FMO3: variants seen among roughly 807,000 people sequenced by gnomAD.
FMO3 encodes the protein flavin-containing monooxygenase 3.
Under a neutral mutation model 39.4 loss-of-function variants are expected in FMO3, and 40 were observed. The observed-to-expected ratio is 1.02, with a 90% CI of 0.79 to 1.32. FMO3 has a LOEUF of 1.32. Ranked by LOEUF, FMO3 falls within the 40% of genes most tolerant of loss-of-function variation. FMO3 has a pLI of 0.00. For missense variants in FMO3, 680 were observed against 651.8 expected (o/e 1.04, Z -0.47); for synonymous variants, 219 against 228.8 (o/e 0.96, Z 0.39).
At chr1:171,101,033 AAG>A (rs1375188597) in intron 2 of FMO3, 3 of 447,014 alleles carry the variant, frequency 6.7e-6, no homozygotes, top group Non-Finnish European at 1.3e-5. Flanking sequence ...CCTCAACAGA[AAG>A]AGAGAAATTT....
intron 6 of FMO3, among the ~76,000 whole-genome samples, chr1:171,112,732 A>C (rs1207066550): frequency 1.3e-5 from 2 of 152,176 alleles, no homozygotes; most frequent in East Asian, 1.9e-4. Flanking sequence ...GGCTCAAACC[A>C]GAAGTTAAAA....
chr1:171,098,712 G>C (rs1030718327), intron 2 of FMO3, among the ~76,000 whole-genome samples: 2 of 152,124 alleles, frequency 1.3e-5, no homozygotes, highest in Non-Finnish European at 2.9e-5. Flanking sequence ...GGGTTTTCTA[G>C]ATATACAATC....
At position 171,117,291 on chromosome 1, in the gene FMO3, G is replaced by A. The variant is rs748877358; in HGVS notation, c.1448G>A (p.Arg483Lys). 6.2e-7 allele frequency: 1 copy of A among 1,614,210 alleles called. No homozygotes were observed. Among genetic ancestry groups the A allele is most frequent in the Non-Finnish European group, 8.5e-7 (1 of 1,180,024 alleles). The part of the protein sequence containing the change: ...LVGPGQWPGA[R>K]NAILTQWDRS... ...GGCCCAGGGCAGTGGCCAGGAGCCAGAAATGCCATACTGACCCAGTGGGAC... is the reference window on the plus strand; with the variant it reads ...GGCCCAGGGCAGTGGCCAGGAGCCAAAAATGCCATACTGACCCAGTGGGAC... Residue 483 changes from arginine to lysine, a missense_variant, in exon 9 of 9, where the codon AGA becomes AAA. Arg to Lys is a conservative substitution (Grantham distance 26). Transcript: ENST00000367755.
intron 5 of FMO3, among the ~76,000 whole-genome samples, 157 bp from the exon 6 acceptor site, chr1:171,110,641 C>A (rs1655863115): frequency 6.6e-6 from 1 of 152,116 alleles, no homozygotes; most frequent in Admixed American, 6.6e-5. Flanking sequence ...TCAGCCAAAG[C>A]AATGGTCAAA....
chr1:171,096,720 T>C (rs993717354), intron 2 of FMO3, among the ~76,000 whole-genome samples: 1 of 140,108 alleles, frequency 7.1e-6, no homozygotes, highest in African/African-American at 2.6e-5. Flanking sequence ...TTAATATAAT[T>C]ATATTAAAAA....
intron 2 of FMO3, among the ~76,000 whole-genome samples, chr1:171,095,842 ATATAAT>A (rs1430170248): frequency 2.5e-5 from 3 of 120,562 alleles, no homozygotes; most frequent in African/African-American, 9.3e-5. Flanking sequence ...ATATATAAAC[ATATAAT>A]TATATATATA....
chr1:171,109,526 CTTTTTTT>C (rs780479699), intron 5 of FMO3, among the ~76,000 whole-genome samples: 4 of 58,996 alleles, frequency 6.8e-5, no homozygotes, highest in East Asian at 1.2e-3. Flanking sequence ...TTAGTCTCTT[CTTTTTTT>C]TTTTTTTTTT....
At chr1:171,099,127 C>G (rs528609831) in intron 2 of FMO3, among the ~76,000 whole-genome samples, 1 of 152,104 alleles carries the variant, frequency 6.6e-6, no homozygotes, top group African/African-American at 2.4e-5. Context: ...CAAAGAACAT[C>G]TTTATTTCCG....
intron 2 of FMO3, among the ~76,000 whole-genome samples, chr1:171,101,507 T>A (rs980738413): frequency 2.0e-5 from 3 of 152,224 alleles, no homozygotes; most frequent in African/African-American, 7.2e-5. Flanking sequence ...GTATTTGCCT[T>A]CCCTTTGGTT....
At position 171,108,104 on chromosome 1, in the gene FMO3, C is replaced by G; in HGVS notation, c.510C>G (p.Cys170Trp). Residue 170 changes from cysteine to tryptophan, a missense_variant, in exon 5 of 9, where the codon TGC becomes TGG. Physicochemically the swap from Cys to Trp is radical, Grantham distance 215 (BLOSUM62 -2). Transcript: ENST00000367755. Reference sequence around the variant, plus strand: ...GACTAAACCACTTTAAAGGCAAATGCTTCCACAGCAGGGACTATAAAGAAC... The same window carrying G: ...GACTAAACCACTTTAAAGGCAAATGGTTCCACAGCAGGGACTATAAAGAAC... ...FPGLNHFKGK[C>W]FHSRDYKEPG... is the part of the protein sequence containing the mutation. 11 of 1,613,864 alleles carry G rather than the reference C, an allele frequency of 6.8e-6. No homozygotes were observed. Among genetic ancestry groups the G allele is most frequent in the Non-Finnish European group, 9.3e-6 (11 of 1,179,874 alleles).
At chr1:171,108,943 G>T (rs1194928683) in intron 5 of FMO3, among the ~76,000 whole-genome samples, 1 of 152,136 alleles carries the variant, frequency 6.6e-6, no homozygotes. Context: ...GACAGAAGCT[G>T]TTCTTAGAAT....
At chr1:171,104,882 A>C (rs1294365863) in intron 3 of FMO3, among the ~76,000 whole-genome samples, 1 of 152,174 alleles carries the variant, frequency 6.6e-6, no homozygotes, top group African/African-American at 2.4e-5. Flanking sequence ...TCAAAAAATA[A>C]ATAAATAAAC....
intron 2 of FMO3, among the ~76,000 whole-genome samples, chr1:171,096,579 T>A (rs1655079985): frequency 1.5e-5 from 1 of 68,142 alleles, no homozygotes; most frequent in African/African-American, 8.5e-5. Context: ...TACTATACTT[T>A]ATATATTAAA....
At chr1:171,095,903 T>C (rs372036454) in intron 2 of FMO3, among the ~76,000 whole-genome samples, 1 of 150 alleles carries the variant, frequency 6.7e-3, no homozygotes, top group East Asian at 0.25. Context: ...ATAATTATAA[T>C]ATGTATAAAT....
At chr1:171,113,285 G>A (rs1481056068) in intron 6 of FMO3, among the ~76,000 whole-genome samples, 1 of 152,136 alleles carries the variant, frequency 6.6e-6, no homozygotes, top group Non-Finnish European at 1.5e-5. Flanking sequence ...ACTTGCAGTT[G>A]CCAAAGCCTC....
intron 2 of FMO3, 114 bp from the exon 3 acceptor site, chr1:171,103,671 C>T: frequency 1.1e-6 from 1 of 884,650 alleles, no homozygotes; most frequent in Non-Finnish European, 1.9e-6. Flanking sequence ...CCACGGAGGT[C>T]CTGGAACCTT....
intron 2 of FMO3, among the ~76,000 whole-genome samples, chr1:171,093,371 A>G (rs1480848948): frequency 6.6e-6 from 1 of 152,134 alleles, no homozygotes; most frequent in Admixed American, 6.6e-5. Flanking sequence ...GTGAGAGAAT[A>G]TGTGGTATTT....
intron 6 of FMO3, 21 bp from the exon 7 acceptor site, chr1:171,113,986 T>C (rs1656025319): frequency 6.9e-7 from 1 of 1,455,320 alleles, no homozygotes; most frequent in East Asian, 2.3e-5. Context: ...CTTCCAATAA[T>C]TGTCTCTGTT....
intron 7 of FMO3, 81 bp from the exon 8 acceptor site, chr1:171,116,127 C>A: frequency 1.2e-6 from 1 of 852,556 alleles, no homozygotes; most frequent in Non-Finnish European, 2.0e-6. Flanking sequence ...TAATTCATAA[C>A]TCATTATTAA....
Sources: allele counts gnomAD v4.1 joint callset (sites outside exome capture counted in the v4.1 genomes callset), GRCh38; gene constraint gnomAD v4.1.1; transcripts MANE v1.5; gene names NCBI Gene and HGNC (gene_info 2026-07-23, HGNC 2026-07-21).